VPS72: variants seen among roughly 807,000 people sequenced by gnomAD.
VPS72 encodes vacuolar protein sorting-associated protein 72 homolog.
In VPS72, 27 loss-of-function variants were observed where a neutral mutation model predicts 38.9. The ratio of observed to expected loss-of-function variants is 0.69; its 90% CI spans 0.51 to 0.96. The LOEUF (loss-of-function observed/expected upper bound fraction) is 0.96. Ranked by LOEUF, VPS72 falls within the 40% of genes least tolerant of loss-of-function variation. The pLI, the probability that VPS72 is intolerant of heterozygous loss-of-function variation, is 0.00. For missense variants in VPS72, 360 were observed against 479.5 expected, an observed-to-expected ratio of 0.75 and a Z score of 2.33; for synonymous variants, 173 against 186.3, an observed-to-expected ratio of 0.93 and a Z score of 0.58.
At chr1:151,180,441 T>A (rs1007199778) in intron 4 of VPS72, among the ~76,000 whole-genome samples, 1 of 151,946 alleles carries the variant, frequency 6.6e-6, no homozygotes, top group African/African-American at 2.4e-5. Flanking sequence ...ACCCCTTTAC[T>A]TTCTTTTTCT....
intron 1 of VPS72, among the ~76,000 whole-genome samples, chr1:151,188,562 C>T (rs746656233): frequency 6.6e-6 from 1 of 152,204 alleles, no homozygotes; most frequent in Non-Finnish European, 1.5e-5. Context: ...TCCCTGCAGG[C>T]TTATCAATCT....
intron 1 of VPS72, among the ~76,000 whole-genome samples, chr1:151,186,919 C>A (rs1328417314): frequency 6.6e-6 from 1 of 152,180 alleles, no homozygotes; most frequent in Admixed American, 6.5e-5. Flanking sequence ...ATTCTCAATC[C>A]CCTCCATCTC....
rs1684117408 is a variant in VPS72, at chr1:151,176,914, C to T, written c.825G>A (p.Glu275=). 8.7e-6 allele frequency: 14 copies of T among 1,613,932 alleles called. No homozygotes were observed. The highest frequency in any genetic ancestry group is 1.2e-5 in the Non-Finnish European group (14 of 1,179,914). ...FITFSDDATF[E]EWFPQGRPPK... is the part of the protein sequence containing the mutation. ...GGGGCCGCCCTTGGGGGAACCATTC[C>T]TCGAAAGTTGCATCATCACTAAAAG... The change falls in exon 6 of 6, where the codon GAG becomes GAA. Residue 275 remains glutamate, a synonymous_variant. Transcript: ENST00000368892.
At chr1:151,185,412 C>A in intron 3 of VPS72, 94 bp downstream of exon 3, 1 of 1,279,638 alleles carries the variant, frequency 7.8e-7, no homozygotes, top group Non-Finnish European at 1.1e-6. Flanking sequence ...AGGAGTGAGC[C>A]ACCGCACCCA....
In VPS72 at chr1:151,185,743, T is replaced by C. The variant is rs1048664320; in HGVS notation, c.270+55A>G. On this transcript the variant is annotated intron_variant, in intron 2 of 5. Coordinates refer to ENST00000368892, the MANE Select transcript of VPS72 (RefSeq NM_005997.3). ...TGGCATAGGGAGTACTGGGACCTGA[T>C]GAAAGAGAGAATAGGAATTGAGGAA... is the stretch of plus-strand genomic sequence containing the variant. 8.1e-6 allele frequency: 13 copies of C among 1,611,674 alleles called. No homozygotes were observed. In the Middle Eastern group the frequency reaches 5.0e-4, roughly 61 times the overall value.
In VPS72 at chr1:151,176,572, C is replaced by A. The variant is rs1317111059; in HGVS notation, c.*72G>T. ...GATCAGAGATGACAAAGGGGAGAAG[C>A]AGGGAGAAGAAACGGAACAGCAAGA... On this transcript the variant is annotated 3_prime_UTR_variant, in exon 6 of 6. Coordinates refer to ENST00000368892, the MANE Select transcript of VPS72 (RefSeq NM_005997.3). 3.2e-6 allele frequency: 5 copies of A among 1,551,460 alleles called. No homozygotes were observed. The East Asian group carries it at 9.0e-5, about 28-fold the overall frequency.
intron 2 of VPS72, 49 bp downstream of exon 2, chr1:151,185,749 A>G: frequency 6.2e-7 from 1 of 1,611,782 alleles, no homozygotes; most frequent in Non-Finnish European, 8.5e-7. Flanking sequence ...CTGATGAAAG[A>G]GAGAATAGGA....
In VPS72 at chr1:151,190,182, G is replaced by C. The variant is rs1261251856; in HGVS notation, c.-61C>G. On this transcript the variant is annotated 5_prime_UTR_variant, in exon 1 of 6. Coordinates refer to ENST00000368892, the MANE Select transcript of VPS72 (RefSeq NM_005997.3). The stretch of plus-strand genomic sequence containing the variant: ...CTCACCAGCTCGGTTTTGGGAGCTC[G>C]ACGCTCGACATCACTACCTGCGGGT... 1 of 1,571,996 alleles carries C rather than the reference G, an allele frequency of 6.4e-7. No homozygotes were observed. Among genetic ancestry groups the C allele is most frequent in the African/African-American group, 1.4e-5 (1 of 74,002 alleles).
chr1:151,189,950 C>T (rs1211019621), intron 1 of VPS72, 55 bp downstream of exon 1: 6 of 1,588,242 alleles, frequency 3.8e-6, no homozygotes, highest in South Asian at 1.1e-5. Flanking sequence ...GGGGTTTCTC[C>T]CTTCAGGGCT....
chr1:151,178,691 TAAAC>T lies in VPS72; in HGVS notation c.563-550_563-547del, dbSNP rs201934528. 4.4e-3 allele frequency among the ~76,000 whole-genome samples: 671 copies of T among 152,218 alleles called. 6 individuals are homozygous for T. Among genetic ancestry groups the T allele is most frequent in the African/African-American group, 0.015 (636 of 41,532 alleles). ...AAATATAGAGATTTCTGGTCGCTCT[TAAAC>T]AACAAGAAAATCTCGCAACCCTGGG... On this transcript the variant is annotated intron_variant, in intron 4 of 5. Coordinates refer to ENST00000368892, the MANE Select transcript of VPS72 (RefSeq NM_005997.3).
chr1:151,177,246 G>A (rs587773078), intron 5 of VPS72, among the ~76,000 whole-genome samples: 11 of 152,156 alleles, frequency 7.2e-5, no homozygotes, highest in African/African-American at 2.2e-4. Context: ...TTAGCCGGGC[G>A]TGGTGGCGGA....
Position 151,180,669 on chromosome 1 carries a change from C to T in VPS72, c.563-2524G>A, listed in dbSNP as rs587668261. Among the ~76,000 whole-genome samples the T allele has an allele frequency of 3.3e-5, 5 of 152,276 alleles. No homozygotes were observed. In the East Asian group the frequency reaches 9.7e-4, roughly 29 times the overall value. ...ACCAGGATGGTCTGGAACTCCTGAC[C>T]TCGTGATCCGCCCACCTCAGCCTCC... On this transcript the variant is annotated intron_variant, in intron 4 of 5. Coordinates refer to ENST00000368892, the MANE Select transcript of VPS72 (RefSeq NM_005997.3).
chr1:151,178,000 C>G lies in VPS72; in HGVS notation c.707+1G>C. 1 of 1,613,606 alleles carries G rather than the reference C, an allele frequency of 6.2e-7. No individual in the cohort carries two copies. Among genetic ancestry groups the G allele is most frequent in the South Asian group, 1.1e-5 (1 of 91,000 alleles). On this transcript the variant is annotated splice_donor_variant, in intron 5 of 5. Transcript: ENST00000368892. LOFTEE classifies it high-confidence loss of function. ...CTCTTTTCCTCTTGAGATTCACTCACCCTTCTATGTCAACGTTCTCTTCCT... is the reference window on the plus strand; with the variant it reads ...CTCTTTTCCTCTTGAGATTCACTCAGCCTTCTATGTCAACGTTCTCTTCCT...
Position 151,176,892 on chromosome 1 carries a change from G to C in VPS72, c.847C>G (p.Pro283Ala). 6.2e-7 allele frequency: 1 copy of C among 1,614,126 alleles called. No homozygotes were observed. The highest frequency in any genetic ancestry group is 1.3e-5 in the African/African-American group (1 of 75,028). Reference protein sequence around the residue: ...TFEEWFPQGRPPKVPVREVCP... With the variant: ...TFEEWFPQGRAPKVPVREVCP... ...ACCTCACGAACAGGGACTTTTGGGG[G>C]CCGCCCTTGGGGGAACCATTCCTCG... Residue 283 changes from proline (P) to alanine (A), a missense_variant, in exon 6 of 6, where the codon CCC becomes GCC. Physicochemically the swap from Pro to Ala is conservative, Grantham distance 27 (BLOSUM62 -1). Transcript: ENST00000368892.
chr1:151,189,470 T>C (rs867393422), intron 1 of VPS72, among the ~76,000 whole-genome samples: 2 of 152,214 alleles, frequency 1.3e-5, no homozygotes, highest in Non-Finnish European at 2.9e-5. Context: ...AAATATGTTC[T>C]GTGGAAGAAA....
chr1:151,178,007 A>G lies in VPS72; in HGVS notation c.701T>C (p.Ile234Thr). The G allele has an allele frequency of 6.2e-7, 1 of 1,613,946 alleles. No homozygotes were observed. The highest frequency in any genetic ancestry group is 8.5e-7 in the Non-Finnish European group (1 of 1,179,950). The change falls in exon 5 of 6, where the codon ATA becomes ACA. Residue 234 changes from isoleucine to threonine, a missense_variant. Around this residue, in one of 2 missense-constraint regions of VPS72, gnomAD observed 294 missense variants for 356.3 expected, o/e 0.83. Transcript: ENST00000368892. ...EPGPKEENVD[I>T]EGLDPAPSVS... ...CCTCTTGAGATTCACTCACCCTTCT[A>G]TGTCAACGTTCTCTTCCTTGGGGCC...
At chr1:151,188,551 C>T (rs1341304514) in intron 1 of VPS72, among the ~76,000 whole-genome samples, 2 of 152,232 alleles carry the variant, frequency 1.3e-5, no homozygotes, top group Non-Finnish European at 2.9e-5. Context: ...CCCATGCCTA[C>T]TCCCTGCAGG....
intron 4 of VPS72, among the ~76,000 whole-genome samples, chr1:151,183,461 A>G (rs1175727864): frequency 7.0e-6 from 1 of 143,492 alleles, no homozygotes; most frequent in Non-Finnish European, 1.5e-5. Context: ...AAAACCTGGG[A>G]GTCACTCTCC....
Position 151,178,103 on chromosome 1 carries a change from T to C in VPS72, c.605A>G (p.His202Arg), listed in dbSNP as rs779991688. The part of the protein sequence containing the change: ...RLEADKKKQV[H>R]KKRKCPGPII... ...GGGCCCGGGGCACTTCCGCTTCTTA[T>C]GAACCTGCTTCTTTTTATCAGCCTC... Residue 202 changes from histidine (H) to arginine (R), a missense_variant, in exon 5 of 6, where the codon CAT becomes CGT. His to Arg is a conservative substitution (Grantham distance 29, BLOSUM62 0). Coordinates refer to ENST00000368892, the MANE Select transcript of VPS72 (RefSeq NM_005997.3). 6.2e-7 allele frequency: 1 copy of C among 1,614,164 alleles called. No individual in the cohort carries two copies. The highest frequency in any genetic ancestry group is 8.5e-7 in the Non-Finnish European group (1 of 1,180,038).
Sources: gnomAD v4.1 joint callset for allele counts (sites outside exome capture counted in the v4.1 genomes callset) on GRCh38, gnomAD v4.1.1 for gene constraint, gnomAD v4.1.1 regional missense constraint, MANE v1.5 for transcripts, NCBI Gene and HGNC (gene_info 2026-07-23, HGNC 2026-07-21) for gene names.